Variants in MOCOS observed in about 807,000 individuals in gnomAD.
MOCOS encodes molybdenum cofactor sulfurase.
MOCOS carries 86 observed loss-of-function variants against 83.6 expected under a neutral mutation model. The observed-to-expected ratio is 1.03, with a 90% CI of 0.86 to 1.23. MOCOS has a LOEUF of 1.23. Among genes scored for constraint, MOCOS ranks in the 50% most tolerant of loss-of-function variants. The pLI is 0.00. For missense variants in MOCOS, 1,120 were observed against 1,126.9 expected (o/e 0.99, Z 0.09); for synonymous variants, 445 against 434.7 (o/e 1.02, Z -0.29).
chr18:36,238,902 C>G (rs1324247797), intron 9 of MOCOS, among the ~76,000 whole-genome samples: 2 of 146,294 alleles, frequency 1.4e-5, no homozygotes, highest in Admixed American at 6.9e-5. Flanking sequence ...CCTTCTTTGT[C>G]TCTTTTGATC....
At chr18:36,209,353 T>C (rs1203426344) in intron 6 of MOCOS, among the ~76,000 whole-genome samples, 10 of 152,012 alleles carry the variant, frequency 6.6e-5, no homozygotes, top group Non-Finnish European at 4.4e-5. Flanking sequence ...TAATTTATTT[T>C]AATAGTTTTT....
intron 2 of MOCOS, 133 bp from the exon 3 acceptor site, chr18:36,198,557 G>A (rs1162358633): frequency 4.8e-6 from 4 of 834,784 alleles, no homozygotes; most frequent in African/African-American, 3.4e-5. Flanking sequence ...TAGAAATCTA[G>A]GAGTGGAATT....
chr18:36,258,616 C>A (rs2091651271), intron 12 of MOCOS, among the ~76,000 whole-genome samples: 1 of 152,168 alleles, frequency 6.6e-6, no homozygotes, highest in South Asian at 2.1e-4. Context: ...AGTCTTTCAA[C>A]CCTGTCTCTG....
intron 9 of MOCOS, among the ~76,000 whole-genome samples, chr18:36,226,565 T>C (rs572339038): frequency 1.3e-5 from 2 of 152,252 alleles, no homozygotes; most frequent in South Asian, 2.1e-4. Context: ...GATTTAATAT[T>C]GCCATTTGGC....
intron 2 of MOCOS, among the ~76,000 whole-genome samples, chr18:36,195,883 G>A (rs2091385440): frequency 2.0e-5 from 3 of 152,210 alleles, no homozygotes; most frequent in Admixed American, 2.0e-4. Flanking sequence ...TTCCAGGCCA[G>A]CCTGTATCTG....
chr18:36,229,406 A>T (rs2091529759), intron 9 of MOCOS, among the ~76,000 whole-genome samples: 1 of 152,150 alleles, frequency 6.6e-6, no homozygotes, highest in South Asian at 2.1e-4. Flanking sequence ...CTTGTATATG[A>T]CAAGTCAGTT....
intron 4 of MOCOS, among the ~76,000 whole-genome samples, chr18:36,200,535 G>A: frequency 6.6e-6 from 1 of 152,170 alleles, no homozygotes; most frequent in South Asian, 2.1e-4. Context: ...ACCCCCATTT[G>A]AGAGGCTTCT....
intron 9 of MOCOS, among the ~76,000 whole-genome samples, chr18:36,244,356 T>C (rs1342702673): frequency 6.6e-6 from 1 of 152,172 alleles, no homozygotes; most frequent in African/African-American, 2.4e-5. Flanking sequence ...ATTTTTTAAA[T>C]TCCATCTTGA....
At chr18:36,204,873 G>A (rs556966958) in intron 5 of MOCOS, among the ~76,000 whole-genome samples, 7 of 151,008 alleles carry the variant, frequency 4.6e-5, no homozygotes, top group African/African-American at 7.3e-5. Flanking sequence ...AATGCCTGTC[G>A]TCCCAGCTAC....
intron 9 of MOCOS, among the ~76,000 whole-genome samples, chr18:36,247,357 G>A (rs555025648): frequency 2.5e-4 from 38 of 152,280 alleles, no homozygotes; most frequent in Non-Finnish European, 4.6e-4. Flanking sequence ...CAGCTTCTAC[G>A]CTTGTATCTT....
At chr18:36,217,021 G>A (rs1035717695) in intron 8 of MOCOS, among the ~76,000 whole-genome samples, 1 of 152,172 alleles carries the variant, frequency 6.6e-6, no homozygotes, top group Non-Finnish European at 1.5e-5. Flanking sequence ...AAATATCATG[G>A]TTGTGAAAGA....
intron 9 of MOCOS, among the ~76,000 whole-genome samples, chr18:36,227,778 C>A (rs1048358971): frequency 2.0e-5 from 3 of 152,032 alleles, no homozygotes; most frequent in African/African-American, 7.2e-5. Context: ...TAAGTAAGGG[C>A]AAAGGTTTCA....
chr18:36,220,458 G>A (rs956380241), intron 9 of MOCOS, among the ~76,000 whole-genome samples: 3 of 151,816 alleles, frequency 2.0e-5, no homozygotes, highest in Admixed American at 2.0e-4. Context: ...GCAGTGAATC[G>A]AGATCATGCC....
chr18:36,245,532 T>A (rs1052309316), intron 9 of MOCOS, among the ~76,000 whole-genome samples: 1 of 152,216 alleles, frequency 6.6e-6, no homozygotes, highest in African/African-American at 2.4e-5. Flanking sequence ...GGGTTACTGA[T>A]GCTTTTGCCT....
intron 9 of MOCOS, among the ~76,000 whole-genome samples, chr18:36,235,089 AC>A (rs1253149032): frequency 6.6e-6 from 1 of 151,856 alleles, no homozygotes; most frequent in African/African-American, 2.4e-5. Flanking sequence ...ACATTTCAAA[AC>A]CAATCATGCC....
At chr18:36,226,013 G>A (rs1469939597) in intron 9 of MOCOS, among the ~76,000 whole-genome samples, 1 of 151,198 alleles carries the variant, frequency 6.6e-6, no homozygotes, top group African/African-American at 2.4e-5. Flanking sequence ...AGAAGAATGT[G>A]TATTCTTCTG....
intron 5 of MOCOS, among the ~76,000 whole-genome samples, 175 bp downstream of exon 5, chr18:36,203,364 G>A (rs1291516604): frequency 6.6e-6 from 1 of 152,210 alleles, no homozygotes; most frequent in Non-Finnish European, 1.5e-5. Flanking sequence ...AGAGAATGAG[G>A]TGGGGTTTTT....
chr18:36,251,396 GGGGTCATC>G, intron 11 of MOCOS, 113 bp downstream of exon 11: 1 of 1,399,494 alleles, frequency 7.1e-7, no homozygotes, highest in Non-Finnish European at 1.0e-6. Flanking sequence ...ATGGAAAGCA[GGGGTCATC>G]AGCCTTTAGC....
intron 13 of MOCOS, among the ~76,000 whole-genome samples, chr18:36,260,577 A>G (rs1021414510): frequency 1.3e-5 from 2 of 152,038 alleles, no homozygotes; most frequent in East Asian, 1.9e-4. Context: ...CTCTTTGCCC[A>G]TGGCCACCCA....
Sources: gnomAD v4.1 joint callset for allele counts (sites outside exome capture counted in the v4.1 genomes callset) on GRCh38, gnomAD v4.1.1 for gene constraint, MANE v1.5 for transcripts, NCBI Gene and HGNC (gene_info 2026-07-23, HGNC 2026-07-21) for gene names.